The following CSRP2 variants were observed in gnomAD, a reference collection of about 807,000 sequenced individuals.
CSRP2 encodes cysteine and glycine rich protein 2, also known as cysteine and glycine-rich protein 2.
A neutral mutation model predicts 24.6 loss-of-function variants in CSRP2; 18 were observed. The ratio of observed to expected loss-of-function variants is 0.73; its 90% CI spans 0.51 to 1.09. The LOEUF is 1.09. Among genes scored for constraint, CSRP2 ranks in the 50% least tolerant of loss-of-function variants. CSRP2 has a pLI of 0.00. For synonymous variants in CSRP2, 87 were observed against 84.3 expected, an observed-to-expected ratio of 1.03 and a Z score of -0.18; for missense variants, 215 against 239.4, an observed-to-expected ratio of 0.90 and a Z score of 0.67.
rs1953733671 is a variant in CSRP2 at position 76,866,174 on chromosome 12, G to A, written c.87C>T (p.Ser29=). 6.2e-7 allele frequency: 1 copy of A among 1,613,906 alleles called. No homozygotes were observed. Among genetic ancestry groups the A allele is most frequent in the African/African-American group, 1.3e-5 (1 of 74,914 alleles). ...TGCAGAGAAAGCAGCAGCGGTGGAA[G>A]CTCCTGCCATCACACTGCACCTCTT... ...HAEEVQCDGR[S]FHRCCFLCMV... The change falls in exon 2 of 6, where the codon AGC becomes AGT. Residue 29 remains serine (S), a synonymous_variant. Coordinates refer to ENST00000311083, the MANE Select transcript of CSRP2 (RefSeq NM_001321.3).
At position 76,863,058 on chromosome 12, in the gene CSRP2, T is replaced by C. The variant is rs1209136129; in HGVS notation, c.281+118A>G. The stretch of plus-strand genomic sequence containing the variant: ...ACTAGTTGACATTAGAAAATCAGAG[T>C]CCCATTTTATTTGCTTAGTTTCAAC... On this transcript the variant is annotated intron_variant, in intron 3 of 5. Coordinates refer to ENST00000311083, the MANE Select transcript of CSRP2 (RefSeq NM_001321.3). The C allele has an allele frequency of 1.4e-5, 20 of 1,456,400 alleles. No individual in the cohort carries two copies. The Admixed American group carries it at 5.0e-4, about 37-fold the overall frequency. 90.2% of individuals were successfully genotyped at this position (1,456,400 alleles called of 1,614,324 possible).
chr12:76,874,029 C>T (rs1466605888), intron 1 of CSRP2, among the ~76,000 whole-genome samples: 2 of 152,140 alleles, frequency 1.3e-5, no homozygotes, highest in Non-Finnish European at 2.9e-5. Context: ...GCCCGTTTTG[C>T]ACAGAGTTCT....
chr12:76,860,606 A>G, intron 3 of CSRP2, 193 bp from the exon 4 acceptor site: 1 of 514,070 alleles, frequency 1.9e-6, no homozygotes, highest in South Asian at 3.7e-5. Flanking sequence ...ACTTGAACCT[A>G]TCTATGGGCT....
In CSRP2 at chr12:76,858,856, C is replaced by T. The variant is rs548051805; in HGVS notation, c.*96G>A. ...ACAGGGCGATATACAGTACTTAATG[C>T]TGGTAGAATTTCACAGTAGTTTAGT... On this transcript the variant is annotated 3_prime_UTR_variant, in exon 6 of 6. Coordinates refer to ENST00000311083, the MANE Select transcript of CSRP2 (RefSeq NM_001321.3). 5.6e-5 allele frequency: 64 copies of T among 1,144,076 alleles called. 3 individuals carry two copies. In the South Asian group the frequency reaches 8.0e-4, roughly 14 times the overall value. 70.9% of individuals were successfully genotyped at this position (1,144,076 alleles called of 1,614,324 possible). A position where few individuals can be genotyped will look rare whatever the true frequency, so the allele number is the denominator to read the frequency against.
intron 1 of CSRP2, among the ~76,000 whole-genome samples, chr12:76,869,529 A>AACACACGCACGCACAC (rs1555192081): frequency 7.4e-6 from 1 of 135,330 alleles, no homozygotes. Context: ...TAAAACAAAC[A>AACACACGCACGCACAC]ACACACACAC....
At position 76,858,875 on chromosome 12, in the gene CSRP2, G is replaced by T; in HGVS notation, c.*77C>A. On this transcript the variant is annotated 3_prime_UTR_variant, in exon 6 of 6. Coordinates refer to ENST00000311083, the MANE Select transcript of CSRP2 (RefSeq NM_001321.3). Reference sequence around the variant, plus strand: ...TTAATGCTGGTAGAATTTCACAGTAGTTTAGTGTTAAAGATTATCTGTGCC... The same window carrying T: ...TTAATGCTGGTAGAATTTCACAGTATTTTAGTGTTAAAGATTATCTGTGCC... The T allele has an allele frequency of 2.3e-6, 3 of 1,307,228 alleles. No individual in the cohort carries two copies. The highest frequency in any genetic ancestry group is 3.3e-6 in the Non-Finnish European group (3 of 903,832). 81.0% of individuals were successfully genotyped at this position (1,307,228 alleles called of 1,614,324 possible). A position where few individuals can be genotyped will look rare whatever the true frequency, so the allele number is the denominator to read the frequency against.
At position 76,869,745 on chromosome 12, in the gene CSRP2, G is replaced by A. The variant is rs75340608; in HGVS notation, c.-1-3484C>T. Among the ~76,000 whole-genome samples, 1,404 of 152,290 alleles carry A rather than the reference G, an allele frequency of 9.2e-3. 17 individuals are homozygous for A. The highest frequency in any genetic ancestry group is 0.032 in the African/African-American group (1,333 of 41,562). ...TCAGTATCTTGCGACAATAGGACAT[G>A]TTTACAAGCTTTCCTTTTGTAGCTG... On this transcript the variant is annotated intron_variant, in intron 1 of 5. Transcript: ENST00000311083.
intron 1 of CSRP2, among the ~76,000 whole-genome samples, chr12:76,868,177 A>T (rs544634353): frequency 9.0e-4 from 137 of 152,332 alleles, no homozygotes; most frequent in Admixed American, 1.8e-3. Context: ...AGAAACTTTT[A>T]TGCCACAAAA....
chr12:76,862,847 A>C, intron 3 of CSRP2: 1 of 1,526,938 alleles, frequency 6.5e-7, no homozygotes, highest in Non-Finnish European at 8.7e-7. Context: ...TTCACACAGC[A>C]CATTTCTCTA....
chr12:76,878,725 G>A (rs1388661555), intron 1 of CSRP2, among the ~76,000 whole-genome samples: 1 of 152,260 alleles, frequency 6.6e-6, no homozygotes, highest in Admixed American at 6.5e-5. Flanking sequence ...GGGGACAAGG[G>A]CAGGTGTGTT....
At chr12:76,877,054 C>T (rs1032883054) in intron 1 of CSRP2, among the ~76,000 whole-genome samples, 1 of 152,236 alleles carries the variant, frequency 6.6e-6, no homozygotes, top group Admixed American at 6.5e-5. Context: ...TGCCTGGCTT[C>T]GTTCCTCCCC....
chr12:76,859,499 C>A, intron 5 of CSRP2, 48 bp downstream of exon 5: 3 of 1,217,534 alleles, frequency 2.5e-6, no homozygotes, highest in South Asian at 1.3e-5. Flanking sequence ...TAAACAAGAA[C>A]CAGTGTGGAA....
chr12:76,873,173 C>T (rs1376897576), intron 1 of CSRP2, among the ~76,000 whole-genome samples: 4 of 152,158 alleles, frequency 2.6e-5, no homozygotes, highest in African/African-American at 9.7e-5. Flanking sequence ...CATGTAGGGC[C>T]TTGTTATTAC....
intron 3 of CSRP2, chr12:76,862,317 G>A (rs888497261): frequency 1.3e-5 from 2 of 152,300 alleles, no homozygotes; most frequent in African/African-American, 4.8e-5. Flanking sequence ...GAGATAAGTA[G>A]ATCACTTGAG....
intron 2 of CSRP2, chr12:76,864,249 AAT>A (rs1395426310): frequency 3.9e-5 from 6 of 152,228 alleles, no homozygotes; most frequent in Admixed American, 3.9e-4. Context: ...GGCAGCTGGA[AAT>A]CAAAGATCAG....
chr12:76,875,844 G>A (rs1179119624), intron 1 of CSRP2, among the ~76,000 whole-genome samples: 1 of 152,120 alleles, frequency 6.6e-6, no homozygotes, highest in Non-Finnish European at 1.5e-5. Flanking sequence ...ACTAAAGTAA[G>A]CACTACCACT....
chr12:76,870,987 A>AAG (rs1170087761), intron 1 of CSRP2, among the ~76,000 whole-genome samples: 1 of 151,100 alleles, frequency 6.6e-6, no homozygotes, highest in Non-Finnish European at 1.5e-5. Flanking sequence ...AAAAAAAAAA[A>AAG]AAAAAAAAAA....
chr12:76,862,944 G>C lies in CSRP2; in HGVS notation c.281+232C>G, dbSNP rs775719761. ...CTTGCTTTTGAGAACACGACTCCTT[G>C]ATACAGCTTGGAATGCTATAAAGCC... On this transcript the variant is annotated intron_variant, in intron 3 of 5. Coordinates refer to ENST00000311083, the MANE Select transcript of CSRP2 (RefSeq NM_001321.3). 23 of 1,499,394 alleles carry C rather than the reference G, an allele frequency of 1.5e-5. No homozygotes were observed. In the Admixed American group the frequency reaches 3.7e-4, roughly 24 times the overall value. 92.9% of individuals were successfully genotyped at this position (1,499,394 alleles called of 1,614,324 possible).
chr12:76,860,429 A>G lies in CSRP2; in HGVS notation c.282-16T>C, dbSNP rs775601635. 1.3e-5 allele frequency: 19 copies of G among 1,461,974 alleles called. No individual in the cohort carries two copies. Among genetic ancestry groups the G allele is most frequent in the African/African-American group, 1.1e-4 (5 of 43,690 alleles). 90.6% of individuals were successfully genotyped at this position (1,461,974 alleles called of 1,614,324 possible). A position where few individuals can be genotyped will look rare whatever the true frequency, so the allele number is the denominator to read the frequency against. ...AGGCTGAACACTTGTGAAAAGAGGA[A>G]AAAAAAAGTAGGCAAGAGTTTCCAC... On this transcript the variant is annotated splice_polypyrimidine_tract_variant and intron_variant, in intron 3 of 5. Coordinates refer to ENST00000311083, the MANE Select transcript of CSRP2 (RefSeq NM_001321.3).
Sources: allele counts gnomAD v4.1 joint callset (sites outside exome capture counted in the v4.1 genomes callset), GRCh38; gene constraint gnomAD v4.1.1; transcripts MANE v1.5; gene names NCBI Gene and HGNC (gene_info 2026-07-23, HGNC 2026-07-21).